PDZD7: variants seen among roughly 807,000 people sequenced by gnomAD.
PDZD7 encodes PDZ domain containing 7, also known as PDZ domain-containing protein 7.
A neutral mutation model predicts 84.7 loss-of-function variants in PDZD7; 72 were observed. The observed-to-expected ratio is 0.85, with a 90% CI of 0.70 to 1.03. The LOEUF (loss-of-function observed/expected upper bound fraction) is 1.03. PDZD7 is among the 50% of genes least tolerant of loss of function. The pLI, the probability that PDZD7 is intolerant of heterozygous loss-of-function variation, is 0.00. For missense variants in PDZD7, 1,490 were observed against 1,412.9 expected, an observed-to-expected ratio of 1.05 and a Z score of -0.87; for synonymous variants, 594 against 580.7, an observed-to-expected ratio of 1.02 and a Z score of -0.33.
intron 2 of PDZD7, among the ~76,000 whole-genome samples, chr10:101,025,384 A>G (rs1402099708): frequency 6.8e-6 from 1 of 146,464 alleles, no homozygotes; most frequent in African/African-American, 2.5e-5. Flanking sequence ...TAATTTTTGT[A>G]TTTTTAGTAG....
Position 101,010,552 on chromosome 10 carries a change from GCGGCTA to G in PDZD7, c.2331_2336del (p.Arg783_Ser784del), listed in dbSNP as rs767463146. 44 of 1,524,874 alleles carry G rather than the reference GCGGCTA, an allele frequency of 2.9e-5. No individual in the cohort carries two copies. Among genetic ancestry groups the G allele is most frequent in the Admixed American group, 7.9e-5 (4 of 50,680 alleles). 94.5% of individuals were successfully genotyped at this position (1,524,874 alleles called of 1,614,324 possible). Reference sequence around the variant, plus strand: ...GACCCCGGCTGCTGCGGCTGCGGCTGCGGCTACGGCTGCGGCTACGGCTCTGAGCCC... The same window carrying G: ...GACCCCGGCTGCTGCGGCTGCGGCTGCGGCTGCGGCTACGGCTCTGAGCCC... On this transcript the variant is annotated inframe_deletion, in exon 15 of 17. Transcript: ENST00000619208.
chr10:101,008,359 G>A lies in PDZD7; in HGVS notation c.*108C>T, dbSNP rs1852285617. 8.8e-7 allele frequency: 1 copy of A among 1,135,036 alleles called. No homozygotes were observed. The highest frequency in any genetic ancestry group is 1.2e-6 in the Non-Finnish European group (1 of 822,264). The allele number at this position is 1,135,036 out of a possible 1,614,324, so 70.3% of individuals were successfully genotyped here. On this transcript the variant is annotated 3_prime_UTR_variant, in exon 17 of 17. Coordinates refer to ENST00000619208, the MANE Select transcript of PDZD7 (RefSeq NM_001195263.2). ...GTGAGCCACCAGTGTGGCACTGGGA[G>A]GAGGCAGGGTGGGCAGGAGCTGGAG...
chr10:101,023,789 GT>G, intron 3 of PDZD7, 138 bp downstream of exon 3: 1 of 1,487,282 alleles, frequency 6.7e-7, no homozygotes, highest in Non-Finnish European at 9.3e-7. Flanking sequence ...TGACTTGAGG[GT>G]TGGCCCTGTC....
Position 101,023,619 on chromosome 10 carries a change from C to T in PDZD7, c.368-9G>A, listed in dbSNP as rs1853256580. On this transcript the variant is annotated splice_polypyrimidine_tract_variant and intron_variant, in intron 3 of 16. Transcript: ENST00000619208. ...GCACAGGCCAGCCCGCTCTGCACCA[C>T]AGGATGGGAGTGGCTGGCATGGGTC... 1 of 1,610,578 alleles carries T rather than the reference C, an allele frequency of 6.2e-7. No homozygotes were observed. Among genetic ancestry groups the T allele is most frequent in the African/African-American group, 1.3e-5 (1 of 74,904 alleles).
At chr10:101,026,817 G>C (rs572191167) in intron 2 of PDZD7, among the ~76,000 whole-genome samples, 6 of 151,872 alleles carry the variant, frequency 4.0e-5, no homozygotes, top group Admixed American at 1.3e-4. Context: ...GGACAGATGT[G>C]GGGGGCCAGG....
At chr10:101,024,116 A>G (rs1590070421) in intron 2 of PDZD7, 48 bp from the exon 3 acceptor site, 1 of 1,613,850 alleles carries the variant, frequency 6.2e-7, no homozygotes, top group South Asian at 1.1e-5. Flanking sequence ...TTGTGGGCAC[A>G]GAGGGCCCCT....
intron 11 of PDZD7, among the ~76,000 whole-genome samples, chr10:101,015,415 G>T: frequency 6.6e-6 from 1 of 152,154 alleles, no homozygotes; most frequent in South Asian, 2.1e-4. Flanking sequence ...ATCACCATGG[G>T]CGTTTAGGTT....
At chr10:101,030,691 G>C in intron 1 of PDZD7, 1 of 309,426 alleles carries the variant, frequency 3.2e-6, no homozygotes. Context: ...GGGGCTTAGA[G>C]AGGTGTGAGA....
intron 2 of PDZD7, among the ~76,000 whole-genome samples, chr10:101,024,910 CA>C (rs2134112948): frequency 6.6e-6 from 1 of 151,372 alleles, no homozygotes; most frequent in Admixed American, 6.6e-5. Flanking sequence ...TGGGGTAAGC[CA>C]AATTAATAAA....
chr10:101,012,573 G>A (rs565969625), intron 11 of PDZD7, among the ~76,000 whole-genome samples: 29 of 105,440 alleles, frequency 2.8e-4, no homozygotes, highest in Non-Finnish European at 4.6e-4. Flanking sequence ...AATTATTCCC[G>A]TTTTACAGAT....
intron 9 of PDZD7, 74 bp from the exon 10 acceptor site, chr10:101,016,501 C>A (rs1390887689): frequency 6.1e-6 from 9 of 1,470,508 alleles, no homozygotes; most frequent in Non-Finnish European, 8.4e-6. Context: ...GGGCTCAGGA[C>A]AAGCTGGAAT....
intron 4 of PDZD7, 48 bp downstream of exon 4, chr10:101,023,388 G>T (rs3740496): frequency 6.2e-7 from 1 of 1,611,070 alleles, no homozygotes; most frequent in Admixed American, 1.7e-5. Flanking sequence ...GTAGGGTTGG[G>T]GTGGGCTGGG....
rs533299957 is a variant in PDZD7, at chr10:101,015,669, G to A, written c.1716C>T (p.Asp572=). The change falls in exon 11 of 17, where the codon GAC becomes GAT. Residue 572 remains aspartate, a synonymous_variant. Coordinates refer to ENST00000619208, the MANE Select transcript of PDZD7 (RefSeq NM_001195263.2). ...QDLAQRLLTD[D]EVLAVTRHCS... ...AGTGGCGGGTGACAGCCAGCACCTC[G>A]TCATCAGTCAGCAGCCTCTGGGCCA... The A allele has an allele frequency of 1.8e-5, 28 of 1,550,248 alleles. No individual in the cohort carries two copies. The highest frequency in any genetic ancestry group is 9.5e-5 in the South Asian group (8 of 84,052).
intron 7 of PDZD7, among the ~76,000 whole-genome samples, chr10:101,020,404 C>T (rs920234663): frequency 2.6e-5 from 4 of 152,270 alleles, no homozygotes; most frequent in African/African-American, 9.6e-5. Context: ...TCGCGGCCGG[C>T]TTAAATTATT....
chr10:101,017,819 AAAGAAAGGAAGG>A (rs1476113879), intron 9 of PDZD7: 2 of 374,994 alleles, frequency 5.3e-6, no homozygotes, highest in African/African-American at 9.9e-5. Context: ...GAAAGAAAGG[AAAGAAAGGAAGG>A]AAGGAAGGAA....
At chr10:101,011,166 G>A (rs1852382874) in intron 14 of PDZD7, 6 of 822,880 alleles carry the variant, frequency 7.3e-6, no homozygotes, top group Admixed American at 6.8e-5. Flanking sequence ...TCAGCCTCCC[G>A]GAGTAGCTGG....
At chr10:101,022,972 A>G (rs532918022) in intron 4 of PDZD7, among the ~76,000 whole-genome samples, 1 of 145,552 alleles carries the variant, frequency 6.9e-6, no homozygotes, top group South Asian at 2.2e-4. Context: ...GGGTTTCTCC[A>G]TGTTGGTCAG....
chr10:101,012,375 G>T, intron 11 of PDZD7, 117 bp from the exon 12 acceptor site: 2 of 897,518 alleles, frequency 2.2e-6, no homozygotes, highest in South Asian at 2.9e-5. Context: ...CCAGCCCTGC[G>T]TGCCTTGGGA....
intron 2 of PDZD7, among the ~76,000 whole-genome samples, chr10:101,025,829 G>A (rs574340874): frequency 2.0e-5 from 3 of 152,056 alleles, no homozygotes; most frequent in African/African-American, 4.8e-5. Context: ...TTACAGGCGT[G>A]AGCCACCACA....
Sources: allele counts gnomAD v4.1 joint callset (sites outside exome capture counted in the v4.1 genomes callset), GRCh38; gene constraint gnomAD v4.1.1; transcripts MANE v1.5; gene names NCBI Gene and HGNC (gene_info 2026-07-23, HGNC 2026-07-21).